The following STX8 variants were observed in gnomAD, a reference collection of about 807,000 sequenced individuals.
STX8 encodes the protein syntaxin-8.
A neutral mutation model predicts 37.5 loss-of-function variants in STX8; 23 were observed. That is an observed-to-expected ratio of 0.61 (90% CI 0.44 to 0.87). STX8 has a LOEUF of 0.87. STX8 is among the 40% of genes least tolerant of loss of function. STX8 has a pLI of 0.00. For synonymous variants in STX8, 115 were observed against 99.1 expected (o/e 1.16, Z -0.95); for missense variants, 313 against 284.7 (o/e 1.10, Z -0.71).
chr17:9,271,335 T>C (rs892776659), intron 7 of STX8, among the ~76,000 whole-genome samples: 7 of 152,098 alleles, frequency 4.6e-5, no homozygotes, highest in African/African-American at 1.4e-4. Context: ...GTGCCTGTAA[T>C]CCCAATTACT....
intron 7 of STX8, among the ~76,000 whole-genome samples, chr17:9,304,060 C>T (rs1490413948): frequency 6.6e-6 from 1 of 151,670 alleles, no homozygotes; most frequent in African/African-American, 2.4e-5. Flanking sequence ...ATCCATCTCC[C>T]AAATTTATAA....
intron 6 of STX8, among the ~76,000 whole-genome samples, chr17:9,489,124 A>C (rs1406829985): frequency 6.6e-6 from 1 of 151,864 alleles, no homozygotes; most frequent in Non-Finnish European, 1.5e-5. Flanking sequence ...TGATCCATCC[A>C]CCTCGGCCTC....
At chr17:9,542,503 C>T (rs1906317987) in intron 4 of STX8, among the ~76,000 whole-genome samples, 2 of 151,920 alleles carry the variant, frequency 1.3e-5, no homozygotes, top group East Asian at 1.9e-4. Flanking sequence ...TGGTGAAACC[C>T]TGTCTCTACT....
chr17:9,572,448 C>T (rs975588558), intron 1 of STX8, among the ~76,000 whole-genome samples: 1 of 152,130 alleles, frequency 6.6e-6, no homozygotes, highest in Non-Finnish European at 1.5e-5. Flanking sequence ...CTCGCTCTGT[C>T]GCCCAGGCTG....
rs574297492 is a variant in STX8 at position 9,451,393 on chromosome 17, C to T, written c.541+40436G>A. 1.9e-3 allele frequency among the ~76,000 whole-genome samples: 294 copies of T among 152,272 alleles called. 2 individuals carry two copies. Among genetic ancestry groups the T allele is most frequent in the Admixed American group, 1.5e-3 (23 of 15,292 alleles). On this transcript the variant is annotated intron_variant, in intron 6 of 7. Transcript: ENST00000306357. ...GAACTTACACAAGGCATCATCTCCA[C>T]GTTTAATGTAACTTTCCAAAGTAAG...
chr17:9,438,676 C>T (rs999010093), intron 6 of STX8, among the ~76,000 whole-genome samples: 6 of 152,134 alleles, frequency 3.9e-5, no homozygotes, highest in Non-Finnish European at 7.3e-5. Flanking sequence ...CGTCTGTAAT[C>T]CCAGCACTTT....
intron 6 of STX8, among the ~76,000 whole-genome samples, chr17:9,477,390 A>C (rs1906148085): frequency 1.3e-5 from 2 of 152,218 alleles, no homozygotes; most frequent in Admixed American, 6.5e-5. Flanking sequence ...CTAGAGAAGA[A>C]ACAGAAATAA....
intron 4 of STX8, among the ~76,000 whole-genome samples, chr17:9,519,307 C>T (rs1277476955): frequency 3.3e-5 from 5 of 152,174 alleles, no homozygotes; most frequent in South Asian, 4.1e-4. Context: ...TGCTTCTTCT[C>T]GTACGCTCTC....
chr17:9,301,652 TTG>T lies in STX8; in HGVS notation c.644-51009_644-51008del, dbSNP rs1491315690. 8.3e-4 allele frequency among the ~76,000 whole-genome samples: 114 copies of T among 138,110 alleles called. 1 individual carries two copies. The highest frequency in any genetic ancestry group is 3.3e-3 in the African/African-American group (102 of 31,220). 90.6% of individuals were successfully genotyped at this position (138,110 alleles called of 152,430 possible). A position where few individuals can be genotyped will look rare whatever the true frequency, so the allele number is the denominator to read the frequency against. On this transcript the variant is annotated intron_variant, in intron 7 of 7. Coordinates refer to ENST00000306357, the MANE Select transcript of STX8 (RefSeq NM_004853.3). ...CGCCTGCCACTATGTCCGGCCATTT[TTG>T]TTTTTTTTTTTGTATTTTTAGTAGA...
At chr17:9,494,806 T>A (rs1272839539) in intron 5 of STX8, among the ~76,000 whole-genome samples, 2 of 152,104 alleles carry the variant, frequency 1.3e-5, no homozygotes, top group Non-Finnish European at 2.9e-5. Context: ...ATTTAATATG[T>A]ATATTTTGAA....
chr17:9,442,313 T>C (rs1904693098), intron 6 of STX8, among the ~76,000 whole-genome samples: 1 of 152,222 alleles, frequency 6.6e-6, no homozygotes, highest in South Asian at 2.1e-4. Context: ...ATGTCATGAC[T>C]GAACTACTTC....
At position 9,257,840 on chromosome 17, in the gene STX8, T is replaced by C. The variant is rs150707031; in HGVS notation, c.644-7195A>G. 1.7e-3 allele frequency among the ~76,000 whole-genome samples: 252 copies of C among 152,142 alleles called. 2 individuals carry two copies. Among genetic ancestry groups the C allele is most frequent in the African/African-American group, 5.3e-3 (219 of 41,506 alleles). On this transcript the variant is annotated intron_variant, in intron 7 of 7. Transcript: ENST00000306357. ...CCGTCTCTACTAAAAAATGCAAAAA[T>C]TAGCCGGGCGTGATGGCAGGTGCCT...
chr17:9,392,799 A>T (rs1912269749), intron 6 of STX8, among the ~76,000 whole-genome samples: 1 of 152,210 alleles, frequency 6.6e-6, no homozygotes, highest in Non-Finnish European at 1.5e-5. Flanking sequence ...TACAGGAAAG[A>T]GGTGGTGAAC....
At chr17:9,278,321 G>A (rs1907752070) in intron 7 of STX8, among the ~76,000 whole-genome samples, 1 of 152,206 alleles carries the variant, frequency 6.6e-6, no homozygotes. Flanking sequence ...GGCAGCACAT[G>A]CCTGTTAATC....
chr17:9,505,993 T>C (rs1339646263), intron 4 of STX8, among the ~76,000 whole-genome samples: 1 of 149,198 alleles, frequency 6.7e-6, no homozygotes, highest in Non-Finnish European at 1.5e-5. Flanking sequence ...CAGAAACACA[T>C]GCAGGGTTTC....
At chr17:9,328,051 C>T (rs1909837030) in intron 7 of STX8, among the ~76,000 whole-genome samples, 1 of 151,078 alleles carries the variant, frequency 6.6e-6, no homozygotes, top group Admixed American at 6.6e-5. Flanking sequence ...CTCCTCTCCC[C>T]CCACCCCCTC....
intron 7 of STX8, among the ~76,000 whole-genome samples, chr17:9,307,349 G>C (rs1052588742): frequency 6.6e-6 from 1 of 152,102 alleles, no homozygotes; most frequent in Non-Finnish European, 1.5e-5. Context: ...TGTCCTGCTT[G>C]GGGGAGGGCT....
At chr17:9,324,124 T>TCACA (rs1371111803) in intron 7 of STX8, among the ~76,000 whole-genome samples, 71 of 134,262 alleles carry the variant, frequency 5.3e-4, no homozygotes, top group African/African-American at 1.7e-3. Context: ...TCTCTCTCTC[T>TCACA]CTCACACACA....
At chr17:9,312,763 G>C (rs964229836) in intron 7 of STX8, among the ~76,000 whole-genome samples, 15 of 151,824 alleles carry the variant, frequency 9.9e-5, no homozygotes, top group African/African-American at 3.4e-4. Flanking sequence ...TTTAGAGTTA[G>C]AGGTAGAACA....
Sources: allele counts gnomAD v4.1 joint callset (sites outside exome capture counted in the v4.1 genomes callset), GRCh38; gene constraint gnomAD v4.1.1; transcripts MANE v1.5; gene names NCBI Gene and HGNC (gene_info 2026-07-23, HGNC 2026-07-21).